ATP6V1C2: variants seen among roughly 807,000 people sequenced by gnomAD.
ATP6V1C2 encodes ATPase H+ transporting V1 subunit C2.
In ATP6V1C2, 45 loss-of-function variants were observed where a neutral mutation model predicts 56.8. The ratio of observed to expected loss-of-function variants is 0.79; its 90% CI spans 0.62 to 1.02. The LOEUF is 1.02. Among genes scored for constraint, ATP6V1C2 ranks in the 50% least tolerant of loss-of-function variants. The probability of loss-of-function intolerance (pLI) is 0.00; values close to 1 mark genes in which losing one functional copy is unlikely to be tolerated. For synonymous variants in ATP6V1C2, 220 were observed against 201.3 expected (o/e 1.09, Z -0.79); for missense variants, 463 against 519.7 (o/e 0.89, Z 1.06).
At position 10,774,849 on chromosome 2, in the gene ATP6V1C2, G is replaced by GA; in HGVS notation, c.702dup (p.Asp235ArgfsTer15). 1 of 1,614,198 alleles carries GA rather than the reference G, an allele frequency of 6.2e-7. No homozygotes were observed. The highest frequency in any genetic ancestry group is 8.5e-7 in the Non-Finnish European group (1 of 1,180,018). ...TGTGACTCTGTTTCGAAAAGTGATT[G>GA]AAGATTTCAAAACCAAGGCCAAAGA... On this transcript the variant is annotated frameshift_variant, in exon 9 of 14. Transcript: ENST00000272238. LOFTEE classifies it high-confidence loss of function.
intron 3 of ATP6V1C2, among the ~76,000 whole-genome samples, chr2:10,742,406 C>T (rs1572528445): frequency 6.6e-6 from 1 of 152,142 alleles, no homozygotes; most frequent in African/African-American, 2.4e-5. Context: ...AAGAAGGGAG[C>T]GGCCTGTGCA....
At chr2:10,731,873 T>A (rs1345607654) in intron 3 of ATP6V1C2, among the ~76,000 whole-genome samples, 1 of 151,834 alleles carries the variant, frequency 6.6e-6, no homozygotes, top group Non-Finnish European at 1.5e-5. Context: ...CTTGGGAAGT[T>A]GAGGAGGGAG....
At chr2:10,765,922 G>C (rs1472939382) in intron 5 of ATP6V1C2, among the ~76,000 whole-genome samples, 1 of 152,198 alleles carries the variant, frequency 6.6e-6, no homozygotes, top group African/African-American at 2.4e-5. Flanking sequence ...AGTGCCTTTG[G>C]CAGGAAGGAA....
chr2:10,779,425 A>AT, intron 12 of ATP6V1C2, among the ~76,000 whole-genome samples: 1 of 111,470 alleles, frequency 9.0e-6, no homozygotes, highest in South Asian at 3.1e-4. Flanking sequence ...TAATAAAAAA[A>AT]AAAATATATA....
rs1211574924 is a variant in ATP6V1C2, at chr2:10,783,506, C to G, written c.*243C>G. Reference sequence around the variant, plus strand: ...AATGTTTTACATAAATGCGAACTACCTGTTCGCATTGGTAACCTGCTGCTG... The same window carrying G: ...AATGTTTTACATAAATGCGAACTACGTGTTCGCATTGGTAACCTGCTGCTG... On this transcript the variant is annotated 3_prime_UTR_variant, in exon 14 of 14. Transcript: ENST00000272238. 5.0e-6 allele frequency: 2 copies of G among 398,252 alleles called. No homozygotes were observed. Among genetic ancestry groups the G allele is most frequent in the African/African-American group, 2.1e-5 (1 of 48,388 alleles). The allele number at this position is 398,252 out of a possible 1,614,324, so 24.7% of individuals were successfully genotyped here. A position where few individuals can be genotyped will look rare whatever the true frequency, so the allele number is the denominator to read the frequency against.
chr2:10,777,702 G>T lies in ATP6V1C2; in HGVS notation c.943G>T (p.Glu315Ter), dbSNP rs1246043632. The T allele has an allele frequency of 6.2e-7, 1 of 1,613,674 alleles. No homozygotes were observed. Among genetic ancestry groups the T allele is most frequent in the Admixed American group, 1.7e-5 (1 of 59,950 alleles). ...PAAGQTDRER[E>*]SEGEGEGPLL... ...TGCGGGGCAGACCGACAGAGAGAGA[G>T]AGAGTGAGGGCGAGGGTGAGGTAAG... Residue 315 changes from glutamate (E) to a stop codon, truncating the protein, a stop_gained, in exon 11 of 14, where the codon GAG becomes TAG. Coordinates refer to ENST00000272238, the MANE Select transcript of ATP6V1C2 (RefSeq NM_001039362.2). LOFTEE classifies it high-confidence loss of function.
chr2:10,766,904 A>G (rs1664258448), intron 5 of ATP6V1C2, among the ~76,000 whole-genome samples: 1 of 152,186 alleles, frequency 6.6e-6, no homozygotes, highest in Non-Finnish European at 1.5e-5. Context: ...ATAGTGCAGA[A>G]TAGTATAGTT....
At chr2:10,759,961 C>T (rs567013880) in intron 4 of ATP6V1C2, among the ~76,000 whole-genome samples, 1 of 152,076 alleles carries the variant, frequency 6.6e-6, no homozygotes, top group African/African-American at 2.4e-5. Context: ...CTCCCAGATA[C>T]CTCTCGCCAA....
At position 10,777,560 on chromosome 2, in the gene ATP6V1C2, TAATA is replaced by T. The variant is rs763497241; in HGVS notation, c.826-21_826-18del. The T allele has an allele frequency of 1.9e-6, 3 of 1,601,204 alleles. No homozygotes were observed. The African/African-American group carries it at 4.0e-5, about 22-fold the overall frequency. ...TTGTGATGCATGTTTGCTGAAAGATTAATAAATCATTTCTGTGCCTTTAGCAAAC... is the reference window on the plus strand; with the variant it reads ...TTGTGATGCATGTTTGCTGAAAGATTAATCATTTCTGTGCCTTTAGCAAAC... On this transcript the variant is annotated intron_variant, in intron 10 of 13. Transcript: ENST00000272238.
intron 6 of ATP6V1C2, 36 bp from the exon 7 acceptor site, chr2:10,771,803 A>G: frequency 6.5e-7 from 1 of 1,549,082 alleles, no homozygotes. Context: ...CTTTCTGCTC[A>G]CATCTTTCAC....
Position 10,784,887 on chromosome 2 carries a change from A to G in ATP6V1C2, c.*1624A>G, listed in dbSNP as rs934656495. The stretch of plus-strand genomic sequence containing the variant: ...GTGCAGAGATGCACAGGCTCAAGAG[A>G]GTAAACCAGGACTGCTGCCCGCACA... On this transcript the variant is annotated 3_prime_UTR_variant, in exon 14 of 14. Transcript: ENST00000272238. 1 of 1,335,584 alleles carries G rather than the reference A, an allele frequency of 7.5e-7. No individual in the cohort carries two copies. 82.7% of individuals were successfully genotyped at this position (1,335,584 alleles called of 1,614,324 possible). A position where few individuals can be genotyped will look rare whatever the true frequency, so the allele number is the denominator to read the frequency against.
intron 3 of ATP6V1C2, among the ~76,000 whole-genome samples, chr2:10,737,812 G>A (rs1473550810): frequency 6.6e-6 from 1 of 152,122 alleles, no homozygotes; most frequent in Non-Finnish European, 1.5e-5. Flanking sequence ...TCCTGCCTCA[G>A]CCTCCTGAGT....
At chr2:10,733,022 A>G (rs1558388482) in intron 3 of ATP6V1C2, among the ~76,000 whole-genome samples, 1 of 152,114 alleles carries the variant, frequency 6.6e-6, no homozygotes. Flanking sequence ...GACTGTGGCT[A>G]TAATTGTGAA....
At chr2:10,754,870 C>A (rs896528127) in intron 4 of ATP6V1C2, among the ~76,000 whole-genome samples, 3 of 151,996 alleles carry the variant, frequency 2.0e-5, no homozygotes, top group Admixed American at 6.6e-5. Flanking sequence ...AGCCACCGCG[C>A]CCGGCCTATT....
At chr2:10,748,877 C>T (rs1225059434) in intron 3 of ATP6V1C2, among the ~76,000 whole-genome samples, 1 of 151,978 alleles carries the variant, frequency 6.6e-6, no homozygotes, top group Non-Finnish European at 1.5e-5. Context: ...TGCCTGTAAT[C>T]CCAGCACTTT....
chr2:10,774,754 G>GT, intron 8 of ATP6V1C2, 34 bp from the exon 9 acceptor site: 1 of 1,595,842 alleles, frequency 6.3e-7, no homozygotes, highest in African/African-American at 1.3e-5. Flanking sequence ...AGGCCTAGCA[G>GT]TGAGTCCAGC....
intron 3 of ATP6V1C2, among the ~76,000 whole-genome samples, chr2:10,741,594 C>A (rs1390218755): frequency 6.6e-6 from 1 of 152,066 alleles, no homozygotes; most frequent in South Asian, 2.1e-4. Flanking sequence ...TTATCCAGAG[C>A]GGGCATGCTA....
intron 12 of ATP6V1C2, among the ~76,000 whole-genome samples, 162 bp downstream of exon 12, chr2:10,778,831 C>T (rs1665165241): frequency 6.6e-6 from 1 of 152,238 alleles, no homozygotes; most frequent in Non-Finnish European, 1.5e-5. Flanking sequence ...CAAGTACACC[C>T]TCCCCTCAGC....
intron 3 of ATP6V1C2, among the ~76,000 whole-genome samples, chr2:10,751,139 A>G (rs1031109492): frequency 7.9e-5 from 12 of 152,186 alleles, no homozygotes; most frequent in Non-Finnish European, 1.8e-4. Context: ...GGAGAATCAC[A>G]GGAACCCAGG....
Sources: allele counts gnomAD v4.1 joint callset (sites outside exome capture counted in the v4.1 genomes callset), GRCh38; gene constraint gnomAD v4.1.1; transcripts MANE v1.5; gene names NCBI Gene and HGNC (gene_info 2026-07-23, HGNC 2026-07-21).